The following GPC6 variants were observed in gnomAD, a reference collection of about 807,000 sequenced individuals.
GPC6 encodes the protein glypican 6.
A neutral mutation model predicts 55.2 loss-of-function variants in GPC6; 14 were observed. The ratio of observed to expected loss-of-function variants is 0.25; its 90% CI spans 0.17 to 0.40. GPC6 has a LOEUF of 0.40. Ranked by LOEUF, GPC6 falls within the 10% of genes least tolerant of loss-of-function variation. The probability of loss-of-function intolerance (pLI) is 1.00; values close to 1 mark genes in which losing one functional copy is unlikely to be tolerated. For missense variants in GPC6, 641 were observed against 708.5 expected (o/e 0.90, Z 1.08); for synonymous variants, 278 against 259.6 (o/e 1.07, Z -0.68).
chr13:93,504,921 T>A (rs1333633867), intron 1 of GPC6, among the ~76,000 whole-genome samples: 1 of 152,156 alleles, frequency 6.6e-6, no homozygotes. Context: ...GTCAAAGTTA[T>A]GTCTAACCCT....
chr13:94,328,210 G>A (rs1421228923), intron 6 of GPC6, among the ~76,000 whole-genome samples: 3 of 152,174 alleles, frequency 2.0e-5, no homozygotes, highest in African/African-American at 7.2e-5. Context: ...GGGTACAGGG[G>A]ACAGCAAATC....
chr13:94,004,132 T>C (rs2140427390), intron 3 of GPC6, among the ~76,000 whole-genome samples: 1 of 152,332 alleles, frequency 6.6e-6, no homozygotes, highest in South Asian at 2.1e-4. Flanking sequence ...TTCCTCAGCA[T>C]CATTTTGTTG....
chr13:94,035,640 T>G (rs1883308466), intron 4 of GPC6, among the ~76,000 whole-genome samples: 1 of 152,032 alleles, frequency 6.6e-6, no homozygotes, highest in Non-Finnish European at 1.5e-5. Flanking sequence ...GTCTCAAGAT[T>G]AGCAGCTAAA....
At chr13:93,558,852 T>A (rs1875612333) in intron 2 of GPC6, among the ~76,000 whole-genome samples, 1 of 152,184 alleles carries the variant, frequency 6.6e-6, no homozygotes, top group Non-Finnish European at 1.5e-5. Context: ...TATGCTCAAG[T>A]GGTTCCGTAT....
chr13:93,322,456 G>C (rs1463568200), intron 1 of GPC6, among the ~76,000 whole-genome samples: 1 of 83,938 alleles, frequency 1.2e-5, no homozygotes, highest in East Asian at 4.2e-4. Flanking sequence ...TTTTTTTTGA[G>C]ATGGAGTTTC....
At chr13:93,938,535 C>G (rs1408786808) in intron 3 of GPC6, among the ~76,000 whole-genome samples, 3 of 151,890 alleles carry the variant, frequency 2.0e-5, no homozygotes, top group Non-Finnish European at 4.4e-5. Flanking sequence ...ATGAAGAATA[C>G]AAAATTTCAA....
intron 2 of GPC6, among the ~76,000 whole-genome samples, chr13:93,764,937 C>A (rs1285530771): frequency 6.6e-6 from 1 of 151,976 alleles, no homozygotes; most frequent in Non-Finnish European, 1.5e-5. Flanking sequence ...GTAGCTGGGA[C>A]TACAGGCGCG....
At chr13:93,938,910 G>A (rs968004060) in intron 3 of GPC6, among the ~76,000 whole-genome samples, 4 of 151,900 alleles carry the variant, frequency 2.6e-5, no homozygotes, top group Admixed American at 2.0e-4. Context: ...GAGACCATCC[G>A]GGCCAACACG....
At chr13:94,298,755 T>C (rs1039086315) in intron 5 of GPC6, among the ~76,000 whole-genome samples, 1 of 152,250 alleles carries the variant, frequency 6.6e-6, no homozygotes, top group Non-Finnish European at 1.5e-5. Context: ...GTAAATGTAG[T>C]AAAGGAAATA....
At position 93,266,333 on chromosome 13, in the gene GPC6, A is replaced by T. The variant is rs1566546731; in HGVS notation, c.160+38717A>T. Among the ~76,000 whole-genome samples the T allele has an allele frequency of 2.6e-5, 4 of 152,176 alleles. No individual in the cohort carries two copies. The South Asian group carries it at 8.3e-4, about 31-fold the overall frequency. On this transcript the variant is annotated intron_variant, in intron 1 of 8. Coordinates refer to ENST00000377047, the MANE Select transcript of GPC6 (RefSeq NM_005708.5). ...AATAATACATTATAGACGCACTAACAGCATGATTTGCTAATATTCATGGTG... is the reference window on the plus strand; with the variant it reads ...AATAATACATTATAGACGCACTAACTGCATGATTTGCTAATATTCATGGTG...
chr13:93,989,997 T>G (rs1021981073), intron 3 of GPC6, among the ~76,000 whole-genome samples: 1 of 150,784 alleles, frequency 6.6e-6, no homozygotes, highest in African/African-American at 2.4e-5. Flanking sequence ...AGTACAGGTA[T>G]AAATAAATGT....
chr13:93,501,325 C>T (rs1230657871), intron 1 of GPC6, among the ~76,000 whole-genome samples: 1 of 151,992 alleles, frequency 6.6e-6, no homozygotes, highest in African/African-American at 2.4e-5. Context: ...AGAACTATAC[C>T]TATTAGAAAA....
chr13:94,322,103 C>G lies in GPC6; in HGVS notation c.1152+15980C>G, dbSNP rs148554666. On this transcript the variant is annotated intron_variant, in intron 6 of 8. Coordinates refer to ENST00000377047, the MANE Select transcript of GPC6 (RefSeq NM_005708.5). ...ATTCCCACGTGTTGTGGGAGGGACC[C>G]GGTGAGAGATAATTGAATCATGGGG... 1.8e-3 allele frequency among the ~76,000 whole-genome samples: 267 copies of G among 152,194 alleles called. 4 individuals are homozygous for G. The East Asian group carries it at 0.038, about 22-fold the overall frequency.
chr13:93,977,510 GTGTGTGT>G, intron 3 of GPC6, among the ~76,000 whole-genome samples: 1 of 135,392 alleles, frequency 7.4e-6, no homozygotes, highest in South Asian at 2.3e-4. Context: ...GTGTGTGTGT[GTGTGTGT>G]GGTGTGTCTT....
chr13:93,218,680 G>T, the GPC6 span, among the ~76,000 whole-genome samples: 15 of 152,312 alleles, frequency 9.8e-5, no homozygotes, highest in African/African-American at 3.6e-4. Flanking sequence ...CATTGACAAA[G>T]AATATGCCAC....
chr13:93,275,188 T>A (rs1187875736), intron 1 of GPC6, among the ~76,000 whole-genome samples: 2 of 152,214 alleles, frequency 1.3e-5, no homozygotes. Flanking sequence ...ACTCTTTTCA[T>A]CTTATTGGGG....
At chr13:94,182,823 G>T (rs1468779838) in intron 4 of GPC6, among the ~76,000 whole-genome samples, 2 of 152,022 alleles carry the variant, frequency 1.3e-5, no homozygotes, top group African/African-American at 4.8e-5. Context: ...TGTCACCCAG[G>T]CTCCGTCAGT....
intron 2 of GPC6, among the ~76,000 whole-genome samples, chr13:93,585,047 T>C (rs1594288273): frequency 6.6e-6 from 1 of 152,164 alleles, no homozygotes; most frequent in East Asian, 1.9e-4. Flanking sequence ...ATTAAAGACA[T>C]TTTTAAAAAT....
intron 4 of GPC6, among the ~76,000 whole-genome samples, chr13:94,163,852 T>C (rs1888255949): frequency 6.6e-6 from 1 of 152,124 alleles, no homozygotes; most frequent in Admixed American, 6.5e-5. Context: ...ATAATCTTAA[T>C]TTTCTTAAAA....
Sources: gnomAD v4.1 joint callset for allele counts (sites outside exome capture counted in the v4.1 genomes callset) on GRCh38, gnomAD v4.1.1 for gene constraint, MANE v1.5 for transcripts, NCBI Gene and HGNC (gene_info 2026-07-23, HGNC 2026-07-21) for gene names.